Variants in MYO1E observed in about 807,000 individuals in gnomAD.
MYO1E encodes myosin IE.
MYO1E carries 68 observed loss-of-function variants against 151.1 expected under a neutral mutation model. The observed-to-expected ratio is 0.45, with a 90% CI of 0.37 to 0.55. The LOEUF (loss-of-function observed/expected upper bound fraction) is 0.55. MYO1E is among the 20% of genes least tolerant of loss of function. The probability of loss-of-function intolerance (pLI) is 0.00; values close to 1 mark genes in which losing one functional copy is unlikely to be tolerated. For missense variants in MYO1E, 1,363 were observed against 1,389.3 expected, an observed-to-expected ratio of 0.98 and a Z score of 0.30; for synonymous variants, 601 against 501.7, an observed-to-expected ratio of 1.20 and a Z score of -2.64.
intron 1 of MYO1E, among the ~76,000 whole-genome samples, chr15:59,349,760 GTC>G (rs2080813898): frequency 6.6e-6 from 1 of 152,198 alleles, no homozygotes; most frequent in Admixed American, 6.5e-5. Flanking sequence ...GCAGGGATGT[GTC>G]TGTTTTCTTG....
intron 2 of MYO1E, among the ~76,000 whole-genome samples, chr15:59,268,164 C>T (rs950443156): frequency 7.2e-5 from 11 of 152,186 alleles, no homozygotes; most frequent in Admixed American, 7.2e-4. Context: ...ATAATATTCC[C>T]TTAACATTGA....
chr15:59,343,265 T>C lies in MYO1E; in HGVS notation c.3+29233A>G, dbSNP rs188195699. 3.9e-4 allele frequency among the ~76,000 whole-genome samples: 59 copies of C among 152,242 alleles called. 1 individual carries two copies. In the East Asian group the frequency reaches 0.011, roughly 28 times the overall value. On this transcript the variant is annotated intron_variant, in intron 1 of 27. Coordinates refer to ENST00000288235, the MANE Select transcript of MYO1E (RefSeq NM_004998.4). Reference sequence around the variant, plus strand: ...ATTTTTCCTTCATGTTTGGAGGATATTTTTGCCAGATATACCATTCTAGAG... The same window carrying C: ...ATTTTTCCTTCATGTTTGGAGGATACTTTTGCCAGATATACCATTCTAGAG...
intron 1 of MYO1E, among the ~76,000 whole-genome samples, chr15:59,318,042 G>C (rs1254257530): frequency 6.6e-6 from 1 of 152,172 alleles, no homozygotes; most frequent in Non-Finnish European, 1.5e-5. Context: ...GTTTAGATCT[G>C]CCTAAACAGT....
At chr15:59,186,087 T>G (rs905730611) in intron 18 of MYO1E, among the ~76,000 whole-genome samples, 29 of 152,326 alleles carry the variant, frequency 1.9e-4, no homozygotes, top group African/African-American at 6.3e-4. Context: ...CTCAACTTCC[T>G]AAATATTTCT....
chr15:59,324,657 T>TCCC (rs1304317831), intron 1 of MYO1E, among the ~76,000 whole-genome samples: 1 of 18,202 alleles, frequency 5.5e-5, no homozygotes, highest in Non-Finnish European at 1.4e-4. Context: ...TTTATCCCCA[T>TCCC]CCCAAGCCCC....
chr15:59,357,555 G>C (rs980724290), intron 1 of MYO1E, among the ~76,000 whole-genome samples: 1 of 151,488 alleles, frequency 6.6e-6, no homozygotes, highest in Non-Finnish European at 1.5e-5. Context: ...CTCCCGAGTA[G>C]CTAGGATTAC....
At chr15:59,330,387 G>A (rs1247180699) in intron 1 of MYO1E, among the ~76,000 whole-genome samples, 2 of 152,180 alleles carry the variant, frequency 1.3e-5, no homozygotes, top group African/African-American at 4.8e-5. Context: ...GAACATTGCT[G>A]ACATTAGGTC....
rs763975997 is a variant in MYO1E at position 59,277,123 on chromosome 15, G to A, written c.4-4674C>T. ...ACCCCGTACAGGGCAGTGGGGAGGA[G>A]GTGACCATCAATACTCTTACAAACT... On this transcript the variant is annotated intron_variant, in intron 1 of 27. Coordinates refer to ENST00000288235, the MANE Select transcript of MYO1E (RefSeq NM_004998.4). 2.2e-4 allele frequency among the ~76,000 whole-genome samples: 33 copies of A among 152,292 alleles called. 1 individual carries two copies. Among genetic ancestry groups the A allele is most frequent in the Middle Eastern group, 6.8e-3 (2 of 294 alleles).
At chr15:59,195,625 C>T in intron 16 of MYO1E, 58 bp from the exon 17 acceptor site, 1 of 1,425,688 alleles carries the variant, frequency 7.0e-7, no homozygotes, top group Non-Finnish European at 9.9e-7. Flanking sequence ...GACCAAATTT[C>T]AAAGGAGACT....
chr15:59,230,642 G>A (rs1158134252), intron 6 of MYO1E, among the ~76,000 whole-genome samples: 1 of 152,146 alleles, frequency 6.6e-6, no homozygotes, highest in African/African-American at 2.4e-5. Context: ...ACAAACAAAT[G>A]AGTAGTTTGA....
rs568720619 is a variant in MYO1E, at chr15:59,231,383, G to A, written c.510+319C>T. Among the ~76,000 whole-genome samples, 30 of 152,256 alleles carry A rather than the reference G, an allele frequency of 2.0e-4. No homozygotes were observed. The South Asian group carries it at 5.2e-3, about 26-fold the overall frequency. On this transcript the variant is annotated intron_variant, in intron 6 of 27. Transcript: ENST00000288235. ...CTCTACTCTAGTTATTTCTTGGTCT[G>A]GGAAAGAAGGTCTTTTCTCTAGGGC...
At chr15:59,296,999 CCGGCTA>C in intron 1 of MYO1E, among the ~76,000 whole-genome samples, 1 of 47,236 alleles carries the variant, frequency 2.1e-5, no homozygotes, top group Non-Finnish European at 6.1e-5. Flanking sequence ...GCTACCACGC[CCGGCTA>C]ATCGCCCGGC....
intron 1 of MYO1E, among the ~76,000 whole-genome samples, chr15:59,287,320 G>C (rs748558611): frequency 3.9e-5 from 6 of 152,232 alleles, no homozygotes; most frequent in Non-Finnish European, 7.3e-5. Context: ...GCAGAGACGG[G>C]AGCCTTATCT....
intron 25 of MYO1E, among the ~76,000 whole-genome samples, chr15:59,154,717 T>C (rs1320743811): frequency 1.3e-5 from 2 of 152,160 alleles, no homozygotes; most frequent in Non-Finnish European, 2.9e-5. Context: ...AGCAAGAGAG[T>C]TGATCTTTCA....
chr15:59,154,555 G>C (rs573988410), intron 25 of MYO1E, among the ~76,000 whole-genome samples: 1 of 152,194 alleles, frequency 6.6e-6, no homozygotes, highest in African/African-American at 2.4e-5. Flanking sequence ...TGGAGAAAGA[G>C]AACAAGACTC....
Position 59,199,638 on chromosome 15 carries a change from C to T in MYO1E, c.1698+2688G>A, listed in dbSNP as rs28397030. On this transcript the variant is annotated intron_variant, in intron 16 of 27. Coordinates refer to ENST00000288235, the MANE Select transcript of MYO1E (RefSeq NM_004998.4). ...TTTATAATCAATATAATAAGAGTTCCCATCAAATGAATATTCTATTAGTTA... is the reference window on the plus strand; with the variant it reads ...TTTATAATCAATATAATAAGAGTTCTCATCAAATGAATATTCTATTAGTTA... Among the ~76,000 whole-genome samples, 592 of 152,016 alleles carry T rather than the reference C, an allele frequency of 3.9e-3. 5 individuals carry two copies. Among genetic ancestry groups the T allele is most frequent in the African/African-American group, 0.013 (548 of 41,468 alleles).
At chr15:59,257,327 G>C (rs993593448) in intron 3 of MYO1E, among the ~76,000 whole-genome samples, 1 of 152,172 alleles carries the variant, frequency 6.6e-6, no homozygotes, top group Non-Finnish European at 1.5e-5. Context: ...AATTAGCTGG[G>C]TGTGGTAGCA....
chr15:59,154,800 C>G (rs143949098), intron 25 of MYO1E, among the ~76,000 whole-genome samples: 2 of 152,318 alleles, frequency 1.3e-5, no homozygotes, highest in East Asian at 3.9e-4. Flanking sequence ...CTCCGACAAG[C>G]ATTTTCTCTA....
chr15:59,357,190 G>A (rs1373890603), intron 1 of MYO1E, among the ~76,000 whole-genome samples: 3 of 152,008 alleles, frequency 2.0e-5, no homozygotes, highest in Non-Finnish European at 4.4e-5. Flanking sequence ...ACAGGTGTGA[G>A]CCACCGTGCC....
Sources: gnomAD v4.1 joint callset for allele counts (sites outside exome capture counted in the v4.1 genomes callset) on GRCh38, gnomAD v4.1.1 for gene constraint, MANE v1.5 for transcripts, NCBI Gene and HGNC (gene_info 2026-07-23, HGNC 2026-07-21) for gene names.